The following GPC3 variants were observed in gnomAD, a reference collection of about 807,000 sequenced individuals.
GPC3 encodes glypican-3.
GPC3 carries 3 observed loss-of-function variants against 34.4 expected under a neutral mutation model. The ratio of observed to expected loss-of-function variants is 0.09; its 90% CI spans 0.04 to 0.23. The LOEUF (loss-of-function observed/expected upper bound fraction) is 0.23, where lower values mean the gene tolerates loss of function less well. GPC3 is among the 10% of genes least tolerant of loss of function. The pLI, the probability that GPC3 is intolerant of heterozygous loss-of-function variation, is 1.00. For synonymous variants in GPC3, 177 were observed against 174.0 expected (o/e 1.02, Z -0.13); for missense variants, 351 against 445.6 (o/e 0.79, Z 1.91).
chrX:133,761,877 T>G (rs747445966), intron 2 of GPC3, among the ~76,000 whole-genome samples: 1 of 112,051 alleles, frequency 8.9e-6, no homozygotes, highest in South Asian at 3.7e-4. Flanking sequence ...CTAGAACGCT[T>G]AGGGCCAAAT....
At chrX:133,857,293 G>A (rs1177505901) in intron 2 of GPC3, among the ~76,000 whole-genome samples, 1 of 112,103 alleles carries the variant, frequency 8.9e-6, no homozygotes, top group Non-Finnish European at 1.9e-5. Flanking sequence ...TCATGAACTT[G>A]ATTAACCAGT....
chrX:133,632,981 G>T (rs2070381380), intron 6 of GPC3, among the ~76,000 whole-genome samples: 1 of 111,023 alleles, frequency 9.0e-6, no homozygotes, highest in Admixed American at 9.7e-5. Flanking sequence ...CATGTTCAAT[G>T]ATTTATGAGG....
At chrX:133,790,191 G>A (rs114740347) in intron 2 of GPC3, among the ~76,000 whole-genome samples, 1,140 of 111,656 alleles carry the variant, frequency 0.01, 25 homozygotes, top group African/African-American at 0.036. Context: ...GTGAGAGGAC[G>A]AAGGAGAGAG....
At chrX:133,785,906 A>G (rs769387157) in intron 2 of GPC3, among the ~76,000 whole-genome samples, 49 of 112,241 alleles carry the variant, frequency 4.4e-4, no homozygotes, top group African/African-American at 1.6e-3. Flanking sequence ...CCCTGACTAT[A>G]TGGCAGTCTC....
chrX:133,568,486 T>C (rs747722672), intron 7 of GPC3, among the ~76,000 whole-genome samples: 1 of 112,080 alleles, frequency 8.9e-6, no homozygotes, highest in African/African-American at 3.2e-5. Flanking sequence ...ATTGTCTCCA[T>C]TGTACAAATT....
At chrX:133,696,399 T>G (rs1243025709) in intron 4 of GPC3, among the ~76,000 whole-genome samples, 1 of 112,265 alleles carries the variant, frequency 8.9e-6, no homozygotes, top group Non-Finnish European at 1.9e-5. Flanking sequence ...TCTCCTCTTC[T>G]TTGTCTCTTC....
At chrX:133,923,662 C>T (rs2076262237) in intron 2 of GPC3, among the ~76,000 whole-genome samples, 1 of 112,410 alleles carries the variant, frequency 8.9e-6, no homozygotes, top group African/African-American at 3.2e-5. Flanking sequence ...CCCTGAACAG[C>T]ATGGGAACAA....
chrX:133,537,248 C>T (rs779218371), intron 7 of GPC3, among the ~76,000 whole-genome samples: 9 of 111,867 alleles, frequency 8.0e-5, no homozygotes, highest in Non-Finnish European at 1.1e-4. Flanking sequence ...TTCTAGACTC[C>T]GTTGCCAATG....
At chrX:133,904,503 A>AG (rs759025680) in intron 2 of GPC3, among the ~76,000 whole-genome samples, 9 of 112,080 alleles carry the variant, frequency 8.0e-5, no homozygotes, top group African/African-American at 2.3e-4. Context: ...TTTGAAATGG[A>AG]GAGGAGGAGG....
intron 5 of GPC3, among the ~76,000 whole-genome samples, chrX:133,684,687 G>A (rs1394904779): frequency 9.1e-6 from 1 of 110,353 alleles, no homozygotes; most frequent in East Asian, 2.8e-4. Flanking sequence ...ACTGCCTTGG[G>A]CACTTTGGAG....
intron 6 of GPC3, among the ~76,000 whole-genome samples, chrX:133,605,472 G>C (rs1204726264): frequency 1.8e-5 from 2 of 112,126 alleles, no homozygotes; most frequent in Non-Finnish European, 1.9e-5. Context: ...ATCCCCACTA[G>C]ACTAACAGAA....
intron 2 of GPC3, among the ~76,000 whole-genome samples, chrX:133,895,224 C>A (rs1260331465): frequency 8.9e-6 from 1 of 111,913 alleles, no homozygotes; most frequent in African/African-American, 3.2e-5. Context: ...GTAGCCTATT[C>A]TCTCTTTGGG....
At chrX:133,779,425 T>G (rs1002951472) in intron 2 of GPC3, among the ~76,000 whole-genome samples, 1 of 112,127 alleles carries the variant, frequency 8.9e-6, no homozygotes, top group African/African-American at 3.2e-5. Context: ...ATGCTAGTTG[T>G]GTGACCTTGG....
chrX:133,862,827 C>A (rs2075944396), intron 2 of GPC3, among the ~76,000 whole-genome samples: 2 of 112,942 alleles, frequency 1.8e-5, no homozygotes, highest in South Asian at 7.3e-4. Context: ...ACATGAACCA[C>A]AATGTGAATG....
chrX:133,832,109 A>G (rs1465617137), intron 2 of GPC3, among the ~76,000 whole-genome samples: 28 of 110,055 alleles, frequency 2.5e-4, no homozygotes, highest in Non-Finnish European at 1.5e-4. Context: ...GCAAAACCCC[A>G]TATCTACTAA....
intron 2 of GPC3, among the ~76,000 whole-genome samples, chrX:133,788,751 TCCC>T (rs1205973277): frequency 1.3e-5 from 1 of 79,565 alleles, no homozygotes; most frequent in East Asian, 4.8e-4. Flanking sequence ...CTCCTCCTCC[TCCC>T]CCCCTTCCTT....
chrX:133,645,244 C>T (rs983501825), intron 6 of GPC3, among the ~76,000 whole-genome samples: 9 of 111,872 alleles, frequency 8.0e-5, no homozygotes, highest in African/African-American at 2.9e-4. Context: ...CCGGATTCAA[C>T]TGCTTTGAGG....
At chrX:133,868,768 A>G (rs996508188) in intron 2 of GPC3, among the ~76,000 whole-genome samples, 1 of 111,022 alleles carries the variant, frequency 9.0e-6, no homozygotes, top group East Asian at 2.9e-4. Context: ...TTTCTCCTCA[A>G]TGGGCGGGCC....
intron 1 of GPC3, among the ~76,000 whole-genome samples, chrX:133,982,506 G>A (rs755951702): frequency 8.9e-6 from 1 of 112,232 alleles, no homozygotes; most frequent in African/African-American, 3.2e-5. Flanking sequence ...GAAGTCTAGT[G>A]TAGTCCTTCA....
Sources: gnomAD v4.1 joint callset for allele counts (sites outside exome capture counted in the v4.1 genomes callset) on GRCh38, gnomAD v4.1.1 for gene constraint, MANE v1.5 for transcripts, NCBI Gene and HGNC (gene_info 2026-07-23, HGNC 2026-07-21) for gene names.